Variants in NRXN1 observed in about 807,000 individuals in gnomAD.
NRXN1 encodes the protein neurexin 1, also known as neurexin-1.
NRXN1 carries 39 observed loss-of-function variants against 150.9 expected under a neutral mutation model. That is an observed-to-expected ratio of 0.26 (90% CI 0.20 to 0.34). NRXN1 has a LOEUF of 0.34. Ranked by LOEUF, NRXN1 falls within the 10% of genes least tolerant of loss-of-function variation. The pLI, the probability that NRXN1 is intolerant of heterozygous loss-of-function variation, is 1.00. For synonymous variants in NRXN1, 924 were observed against 757.0 expected (o/e 1.22, Z -3.62); for missense variants, 1,815 against 1,949.9 (o/e 0.93, Z 1.30).
chr2:49,981,088 A>T (rs1679912089), intron 21 of NRXN1, among the ~76,000 whole-genome samples: 1 of 152,144 alleles, frequency 6.6e-6, no homozygotes, highest in Non-Finnish European at 1.5e-5. Context: ...ATTTTAGGCT[A>T]ATCTCTACAT....
chr2:50,026,643 C>A (rs1376109784), intron 21 of NRXN1, among the ~76,000 whole-genome samples: 2 of 151,944 alleles, frequency 1.3e-5, no homozygotes, highest in Non-Finnish European at 2.9e-5. Context: ...AAATTGCATA[C>A]TCATAGAATT....
chr2:50,299,649 G>C (rs979390530), intron 17 of NRXN1, among the ~76,000 whole-genome samples: 3 of 152,032 alleles, frequency 2.0e-5, no homozygotes, highest in Admixed American at 6.6e-5. Context: ...TGTTTTGTCT[G>C]AACTTTTTAT....
At chr2:50,918,084 T>C (rs1347688536) in intron 5 of NRXN1, 1 of 151,614 alleles carries the variant, frequency 6.6e-6, no homozygotes, top group Admixed American at 6.6e-5. Context: ...TTGAGAAAAA[T>C]CTATCTTTAT....
chr2:50,585,505 T>C (rs113566797), intron 8 of NRXN1, among the ~76,000 whole-genome samples: 2 of 152,154 alleles, frequency 1.3e-5, no homozygotes, highest in Non-Finnish European at 2.9e-5. Context: ...ATGGTCAAGA[T>C]AGTAAATTTT....
At chr2:50,492,703 A>AT (rs1046160851) in intron 15 of NRXN1, among the ~76,000 whole-genome samples, 34 of 152,278 alleles carry the variant, frequency 2.2e-4, no homozygotes, top group African/African-American at 6.5e-4. Context: ...CATAAGGAGG[A>AT]TAAAAAAAAT....
At chr2:50,197,886 C>G (rs1466510668) in intron 18 of NRXN1, among the ~76,000 whole-genome samples, 3 of 152,140 alleles carry the variant, frequency 2.0e-5, no homozygotes, top group Non-Finnish European at 2.9e-5. Flanking sequence ...TATTGCAAGT[C>G]AAGTCACAAA....
At chr2:50,851,389 G>C (rs1217927487) in intron 5 of NRXN1, among the ~76,000 whole-genome samples, 1 of 152,124 alleles carries the variant, frequency 6.6e-6, no homozygotes, top group Admixed American at 6.5e-5. Context: ...AAATATATAA[G>C]TGTTTTAAGG....
chr2:50,770,534 T>C (rs1344352754), intron 5 of NRXN1, among the ~76,000 whole-genome samples: 1 of 152,080 alleles, frequency 6.6e-6, no homozygotes, highest in Non-Finnish European at 1.5e-5. Flanking sequence ...GACTTTGCCA[T>C]TAATTAGGTC....
intron 5 of NRXN1, among the ~76,000 whole-genome samples, chr2:50,689,089 G>A (rs970881177): frequency 1.3e-5 from 2 of 151,870 alleles, no homozygotes; most frequent in African/African-American, 4.8e-5. Context: ...TTCTATTTTA[G>A]GATATGCATT....
At chr2:50,746,327 G>A (rs940874387) in intron 5 of NRXN1, among the ~76,000 whole-genome samples, 5 of 152,062 alleles carry the variant, frequency 3.3e-5, no homozygotes, top group African/African-American at 7.2e-5. Flanking sequence ...GGAGACTCAG[G>A]CAGGAGGACT....
intron 5 of NRXN1, among the ~76,000 whole-genome samples, chr2:50,901,318 A>T (rs987771528): frequency 2.0e-5 from 3 of 151,910 alleles, no homozygotes; most frequent in Non-Finnish European, 2.9e-5. Flanking sequence ...GGCGGATCAC[A>T]AGGTCAGGAG....
rs1449594336 is a variant in NRXN1 at position 50,019,727 on chromosome 2, A to C, written c.4128+33544T>G. ...TTTGGGAGGCCTAGGCGGGCGGATC[A>C]CGACGTCAGGAGATCGAGACCATTC... On this transcript the variant is annotated intron_variant, in intron 21 of 22. Transcript: ENST00000401669. Among the ~76,000 whole-genome samples the C allele has an allele frequency of 3.4e-5, 5 of 148,164 alleles. No homozygotes were observed. In the Admixed American group the frequency reaches 3.4e-4, roughly 10 times the overall value.
chr2:50,721,178 C>T (rs1420023570), intron 5 of NRXN1, among the ~76,000 whole-genome samples: 1 of 152,110 alleles, frequency 6.6e-6, no homozygotes, highest in Non-Finnish European at 1.5e-5. Flanking sequence ...CACATAGCTG[C>T]TCTCTCAGAA....
chr2:50,704,280 C>T (rs1016634538), intron 5 of NRXN1, among the ~76,000 whole-genome samples: 3 of 151,890 alleles, frequency 2.0e-5, no homozygotes, highest in Non-Finnish European at 4.4e-5. Context: ...CTTGCTGGTT[C>T]ACAATTGGGT....
chr2:50,231,150 A>G (rs1049024180), intron 18 of NRXN1, among the ~76,000 whole-genome samples: 13 of 152,142 alleles, frequency 8.5e-5, no homozygotes, highest in Admixed American at 4.6e-4. Flanking sequence ...TGAATACTAT[A>G]TGGCAAAGTT....
chr2:50,476,342 AT>A (rs1167132048), intron 15 of NRXN1, among the ~76,000 whole-genome samples: 1 of 152,084 alleles, frequency 6.6e-6, no homozygotes, highest in Non-Finnish European at 1.5e-5. Flanking sequence ...GGGCACAGGC[AT>A]TTTGGTTTTC....
rs146555274 is a variant in NRXN1, at chr2:50,208,819, G to A, written c.3546+27970C>T. Among the ~76,000 whole-genome samples the A allele has an allele frequency of 4.4e-3, 665 of 152,246 alleles. 8 individuals carry two copies. Among genetic ancestry groups the A allele is most frequent in the African/African-American group, 0.015 (634 of 41,568 alleles). On this transcript the variant is annotated intron_variant, in intron 18 of 22. Transcript: ENST00000401669. The stretch of plus-strand genomic sequence containing the variant: ...AAAATCAAGCTATCTTTCAAAACGT[G>A]CTAACATTCTTGCGTTAACACATTT...
intron 5 of NRXN1, among the ~76,000 whole-genome samples, chr2:50,632,014 T>C (rs574738288): frequency 6.6e-6 from 1 of 152,100 alleles, no homozygotes. Flanking sequence ...CAATTAATGA[T>C]TACTTAATAA....
chr2:51,007,925 C>G (rs1186746815), intron 2 of NRXN1, among the ~76,000 whole-genome samples: 1 of 151,652 alleles, frequency 6.6e-6, no homozygotes, highest in African/African-American at 2.4e-5. Context: ...AAGGAAATAA[C>G]AGTGGAAAGA....
Sources: gnomAD v4.1 joint callset for allele counts (sites outside exome capture counted in the v4.1 genomes callset) on GRCh38, gnomAD v4.1.1 for gene constraint, MANE v1.5 for transcripts, NCBI Gene and HGNC (gene_info 2026-07-23, HGNC 2026-07-21) for gene names.